Variants in SNAP29 observed in about 807,000 individuals in gnomAD.
The protein encoded by SNAP29 is synaptosome associated protein 29.
In SNAP29, 13 loss-of-function variants were observed where a neutral mutation model predicts 27.9. The observed-to-expected ratio is 0.47, with a 90% CI of 0.30 to 0.74. The LOEUF (loss-of-function observed/expected upper bound fraction) is 0.74, where lower values mean the gene tolerates loss of function less well. SNAP29 is among the 30% of genes least tolerant of loss of function. SNAP29 has a pLI of 0.06. For synonymous variants in SNAP29, 119 were observed against 127.1 expected, an observed-to-expected ratio of 0.94 and a Z score of 0.43; for missense variants, 368 against 336.5, an observed-to-expected ratio of 1.09 and a Z score of -0.73.
At chr22:20,863,742 A>G (rs752020931) in intron 1 of SNAP29, among the ~76,000 whole-genome samples, 3 of 152,148 alleles carry the variant, frequency 2.0e-5, no homozygotes, top group Non-Finnish European at 4.4e-5. Flanking sequence ...AAACATACAA[A>G]AGGGTGTAGT....
chr22:20,873,824 C>G (rs1275693113), intron 2 of SNAP29, among the ~76,000 whole-genome samples: 3 of 151,294 alleles, frequency 2.0e-5, no homozygotes, highest in African/African-American at 2.4e-5. Context: ...AAAAATCAGC[C>G]AGGCATGGTG....
At chr22:20,877,287 T>A (rs968778789) in intron 2 of SNAP29, among the ~76,000 whole-genome samples, 16 of 152,034 alleles carry the variant, frequency 1.1e-4, no homozygotes, top group Non-Finnish European at 2.1e-4. Flanking sequence ...CCTGGCACGG[T>A]GGCTCACGCC....
At chr22:20,874,352 CACACACACACACA>C (rs1928683050) in intron 2 of SNAP29, among the ~76,000 whole-genome samples, 10 of 53,670 alleles carry the variant, frequency 1.9e-4, no homozygotes, top group African/African-American at 7.9e-4. Context: ...AAATTAGCCA[CACACACACACACA>C]CACACACACA....
rs190774855 is a variant in SNAP29, at chr22:20,886,950, G to A, written c.620-729G>A. On this transcript the variant is annotated intron_variant, in intron 4 of 4. Transcript: ENST00000215730. ...TTAAAAAAACTGATTTTGGCCGGGCGCGGTGGCTCACGCCTGTAATCCTAG... is the reference window on the plus strand; with the variant it reads ...TTAAAAAAACTGATTTTGGCCGGGCACGGTGGCTCACGCCTGTAATCCTAG... Among the ~76,000 whole-genome samples, 20 of 152,044 alleles carry A rather than the reference G, an allele frequency of 1.3e-4. No individual in the cohort carries two copies. In the East Asian group the frequency reaches 3.2e-3, roughly 24 times the overall value.
Position 20,881,062 on chromosome 22 carries a change from A to G in SNAP29, c.448A>G (p.Ile150Val), listed in dbSNP as rs766093190. The change falls in exon 3 of 5, where the codon ATA becomes GTA. Residue 150 changes from isoleucine (I) to valine (V), a missense_variant. Transcript: ENST00000215730. ...TTTTATCCAAAGATTGAAAGAAGCT[A>G]TAAGTACAAGTAAAGAACAGGAAGC... Reference protein sequence around the residue: ...SQPNNRLKEAISTSKEQEAKY... With the variant: ...SQPNNRLKEAVSTSKEQEAKY... The G allele has an allele frequency of 1.2e-5, 19 of 1,610,226 alleles. No homozygotes were observed. The highest frequency in any genetic ancestry group is 1.4e-5 in the Non-Finnish European group (17 of 1,176,490).
At chr22:20,883,625 G>A (rs1014284457) in intron 4 of SNAP29, 56 bp downstream of exon 4, 13 of 1,064,092 alleles carry the variant, frequency 1.2e-5, no homozygotes, top group Admixed American at 1.0e-4. Flanking sequence ...GGCAGCTTAC[G>A]CCAAGCATAG....
chr22:20,859,026 G>A lies in SNAP29; in HGVS notation c.-85G>A, dbSNP rs1029293258. ...GAAGGAGTTCGCGCGACGACCGCGG[G>A]GTCGGCGGGCGGGGCGAGGCCCTGG... On this transcript the variant is annotated 5_prime_UTR_variant, in exon 1 of 5. Transcript: ENST00000215730. 5.7e-6 allele frequency: 8 copies of A among 1,391,722 alleles called. No homozygotes were observed. Among genetic ancestry groups the A allele is most frequent in the Non-Finnish European group, 4.9e-6 (5 of 1,017,698 alleles). The allele number at this position is 1,391,722 out of a possible 1,614,324, so 86.2% of individuals were successfully genotyped here.
intron 1 of SNAP29, among the ~76,000 whole-genome samples, chr22:20,859,898 C>T (rs1044110694): frequency 1.1e-4 from 16 of 152,208 alleles, no homozygotes; most frequent in African/African-American, 3.6e-4. Context: ...TCAGCCCAGA[C>T]AGCTGCCTAG....
chr22:20,862,045 C>T (rs992241601), intron 1 of SNAP29, among the ~76,000 whole-genome samples: 2 of 152,190 alleles, frequency 1.3e-5, no homozygotes, highest in African/African-American at 2.4e-5. Flanking sequence ...GCTGGGATTA[C>T]AGATGTGAGC....
chr22:20,887,109 C>T (rs1929035386), intron 4 of SNAP29, among the ~76,000 whole-genome samples: 1 of 151,548 alleles, frequency 6.6e-6, no homozygotes, highest in African/African-American at 2.4e-5. Context: ...CCTGTAGTCC[C>T]AGCTACTCAG....
chr22:20,886,001 G>A (rs962687876), intron 4 of SNAP29, among the ~76,000 whole-genome samples: 1 of 152,072 alleles, frequency 6.6e-6, no homozygotes, highest in Non-Finnish European at 1.5e-5. Context: ...TGCTGCCCTG[G>A]CTGCCAGTGA....
intron 2 of SNAP29, among the ~76,000 whole-genome samples, chr22:20,876,076 G>C (rs1234934958): frequency 6.6e-6 from 1 of 151,488 alleles, no homozygotes; most frequent in African/African-American, 2.4e-5. Flanking sequence ...CAGGAGAATG[G>C]CATGAACCCG....
At chr22:20,870,594 C>G in intron 2 of SNAP29, 61 bp downstream of exon 2, 1 of 1,485,476 alleles carries the variant, frequency 6.7e-7, no homozygotes, top group African/African-American at 1.4e-5. Flanking sequence ...GTGCAAATGA[C>G]CAAGACTTTC....
intron 3 of SNAP29, among the ~76,000 whole-genome samples, chr22:20,882,964 AT>A (rs1418974309): frequency 6.7e-6 from 1 of 149,998 alleles, no homozygotes; most frequent in Non-Finnish European, 1.5e-5. Flanking sequence ...TTCAAGGAAG[AT>A]TTCTTGTGGC....
chr22:20,884,047 A>G (rs1036477650), intron 4 of SNAP29, among the ~76,000 whole-genome samples: 4 of 152,150 alleles, frequency 2.6e-5, no homozygotes, highest in Admixed American at 6.5e-5. Context: ...AAGGGTGTGC[A>G]GGGGGCCGGG....
intron 2 of SNAP29, among the ~76,000 whole-genome samples, chr22:20,878,663 G>C: frequency 6.6e-6 from 1 of 152,134 alleles, no homozygotes; most frequent in East Asian, 1.9e-4. Flanking sequence ...GTTTTGCCTG[G>C]ATTACTGGGA....
chr22:20,879,642 T>G (rs560799146), intron 2 of SNAP29, among the ~76,000 whole-genome samples: 1 of 152,002 alleles, frequency 6.6e-6, no homozygotes, highest in East Asian at 1.9e-4. Context: ...GGTCAGGAGT[T>G]CGTGACCAGC....
Position 20,859,045 on chromosome 22 carries a change from G to C in SNAP29, c.-66G>C. The C allele has an allele frequency of 7.0e-7, 1 of 1,437,744 alleles. No homozygotes were observed. The highest frequency in any genetic ancestry group is 9.6e-7 in the Non-Finnish European group (1 of 1,037,690). 89.1% of individuals were successfully genotyped at this position (1,437,744 alleles called of 1,614,324 possible). ...CCGCGGGGTCGGCGGGCGGGGCGAGGCCCTGGACGGCGGCGGCAGTGGGGC... is the reference window on the plus strand; with the variant it reads ...CCGCGGGGTCGGCGGGCGGGGCGAGCCCCTGGACGGCGGCGGCAGTGGGGC... On this transcript the variant is annotated 5_prime_UTR_variant, in exon 1 of 5. Coordinates refer to ENST00000215730, the MANE Select transcript of SNAP29 (RefSeq NM_004782.4).
chr22:20,863,229 G>A (rs930193661), intron 1 of SNAP29, among the ~76,000 whole-genome samples: 1 of 152,188 alleles, frequency 6.6e-6, no homozygotes, highest in Non-Finnish European at 1.5e-5. Context: ...GATGGGAACA[G>A]AGGAGTATGA....
Sources: gnomAD v4.1 joint callset for allele counts (sites outside exome capture counted in the v4.1 genomes callset) on GRCh38, gnomAD v4.1.1 for gene constraint, MANE v1.5 for transcripts, NCBI Gene and HGNC (gene_info 2026-07-23, HGNC 2026-07-21) for gene names.